The following YAE1 variants were observed in gnomAD, a reference collection of about 807,000 sequenced individuals.
The protein encoded by YAE1 is protein YAE1 homolog.
In YAE1, 22 loss-of-function variants were observed where a neutral mutation model predicts 23.0. That is an observed-to-expected ratio of 0.96 (90% CI 0.68 to 1.37). The LOEUF is 1.37. Among genes scored for constraint, YAE1 ranks in the 40% most tolerant of loss-of-function variants. The pLI, the probability that YAE1 is intolerant of heterozygous loss-of-function variation, is 0.00. For missense variants in YAE1, 260 were observed against 262.1 expected, an observed-to-expected ratio of 0.99 and a Z score of 0.06; for synonymous variants, 101 against 97.0, an observed-to-expected ratio of 1.04 and a Z score of -0.24.
At chr7:39,610,796 G>C (rs1258607214), downstream of YAE1, among the ~76,000 whole-genome samples, 1 of 152,198 alleles carries the variant, frequency 6.6e-6, no homozygotes, top group East Asian at 1.9e-4. Context: ...ATTGTTTTAT[G>C]TGTAGGTATT....
At chr7:39,607,831 G>T (rs2115857379) in intron 2 of YAE1, among the ~76,000 whole-genome samples, 1 of 152,258 alleles carries the variant, frequency 6.6e-6, no homozygotes, top group Middle Eastern at 3.4e-3. Context: ...ACCATGCCTG[G>T]CTAATTTTTG....
chr7:39,573,830 C>T (rs954831280), downstream of YAE1, among the ~76,000 whole-genome samples: 2 of 152,162 alleles, frequency 1.3e-5, no homozygotes, highest in African/African-American at 4.8e-5. Context: ...TATTGAGTTT[C>T]AGGATTTATT....
At chr7:39,575,666 T>C (rs1183203000), downstream of YAE1, among the ~76,000 whole-genome samples, 1 of 152,158 alleles carries the variant, frequency 6.6e-6, no homozygotes, top group African/African-American at 2.4e-5. Context: ...GAAGATACTT[T>C]ACCGCAACAG....
intron 2 of YAE1, among the ~76,000 whole-genome samples, chr7:39,588,403 T>G (rs1790851943): frequency 6.6e-6 from 1 of 151,136 alleles, no homozygotes; most frequent in Non-Finnish European, 1.5e-5. Flanking sequence ...TCCCAGCTAC[T>G]CAGGTGGCTG....
intron 2 of YAE1, among the ~76,000 whole-genome samples, chr7:39,604,264 G>A (rs182148925): frequency 2.0e-5 from 3 of 152,288 alleles, no homozygotes; most frequent in Admixed American, 2.0e-4. Context: ...TTTTCAAGAA[G>A]CAACTCAACA....
intron 2 of YAE1, among the ~76,000 whole-genome samples, chr7:39,578,961 A>G (rs1177993971): frequency 6.6e-6 from 1 of 152,248 alleles, no homozygotes; most frequent in Admixed American, 6.5e-5. Context: ...CGCTACTAAG[A>G]AAGTGCAGAA....
At chr7:39,583,361 A>T (rs905862034) in intron 2 of YAE1, among the ~76,000 whole-genome samples, 2 of 148,962 alleles carry the variant, frequency 1.3e-5, no homozygotes, top group East Asian at 3.9e-4. Context: ...AAAGAGAAAG[A>T]CCAGTTTACA....
At chr7:39,586,324 C>T (rs1198475384) in intron 2 of YAE1, among the ~76,000 whole-genome samples, 1 of 151,104 alleles carries the variant, frequency 6.6e-6, no homozygotes, top group Non-Finnish European at 1.5e-5. Context: ...AGGCGCCTGC[C>T]ACCATGCCCG....
intron 2 of YAE1, among the ~76,000 whole-genome samples, chr7:39,578,126 T>A (rs910837663): frequency 1.3e-5 from 2 of 152,096 alleles, no homozygotes; most frequent in Non-Finnish European, 2.9e-5. Context: ...TTGGAGAACT[T>A]CTATGTCTAG....
chr7:39,610,381 A>G, downstream of YAE1: 1 of 461,676 alleles, frequency 2.2e-6, no homozygotes, highest in Non-Finnish European at 4.3e-6. Context: ...CCAACTTTGC[A>G]TCCTGAGAAC....
At chr7:39,570,865 C>A in intron 2 of YAE1, 1 of 420,882 alleles carries the variant, frequency 2.4e-6, no homozygotes, top group Non-Finnish European at 4.1e-6. Context: ...AAGATGTATA[C>A]TTCTGCTACC....
chr7:39,575,584 G>A (rs1404714773), downstream of YAE1, among the ~76,000 whole-genome samples: 1 of 119,638 alleles, frequency 8.4e-6, no homozygotes, highest in African/African-American at 3.5e-5. Flanking sequence ...GAGAGTGAGT[G>A]TGTGTGTGTG....
chr7:39,592,779 T>A (rs537190561), intron 2 of YAE1, among the ~76,000 whole-genome samples: 1 of 152,208 alleles, frequency 6.6e-6, no homozygotes, highest in Non-Finnish European at 1.5e-5. Context: ...TTTTAAATAC[T>A]TTTTTACTTT....
At chr7:39,576,490 C>T (rs1464392578), downstream of YAE1, among the ~76,000 whole-genome samples, 1 of 152,212 alleles carries the variant, frequency 6.6e-6, no homozygotes, top group East Asian at 1.9e-4. Flanking sequence ...CACTTCTTTA[C>T]AGGCATTACT....
At chr7:39,578,531 T>G (rs1418352012) in intron 2 of YAE1, among the ~76,000 whole-genome samples, 2 of 152,214 alleles carry the variant, frequency 1.3e-5, no homozygotes, top group Non-Finnish European at 2.9e-5. Context: ...GGGCTGCAGC[T>G]TCGCTCCTGA....
intron 2 of YAE1, among the ~76,000 whole-genome samples, chr7:39,582,552 A>C (rs754282913): frequency 3.3e-5 from 5 of 152,224 alleles, no homozygotes; most frequent in Non-Finnish European, 7.3e-5. Flanking sequence ...CTTATAGGCC[A>C]ATATGAGGTC....
intron 2 of YAE1, among the ~76,000 whole-genome samples, chr7:39,583,072 T>C (rs1790768065): frequency 6.6e-6 from 1 of 152,014 alleles, no homozygotes; most frequent in Non-Finnish European, 1.5e-5. Flanking sequence ...CAATCTAGAG[T>C]AGAGAAAAAT....
chr7:39,599,032 G>A (rs1295956366), intron 2 of YAE1, among the ~76,000 whole-genome samples: 1 of 151,966 alleles, frequency 6.6e-6, no homozygotes, highest in Admixed American at 6.6e-5. Flanking sequence ...CACTTGACAG[G>A]AGTTTGAGAC....
chr7:39,598,509 G>A (rs1301333778), intron 2 of YAE1, among the ~76,000 whole-genome samples: 1 of 151,678 alleles, frequency 6.6e-6, no homozygotes, highest in African/African-American at 2.4e-5. Context: ...AGGTGCAGTG[G>A]CTCACACCTA....
Sources: gnomAD v4.1 joint callset for allele counts (sites outside exome capture counted in the v4.1 genomes callset) on GRCh38, gnomAD v4.1.1 for gene constraint, MANE v1.5 for transcripts, NCBI Gene and HGNC (gene_info 2026-07-23, HGNC 2026-07-21) for gene names.